IRF7: variants seen among roughly 807,000 people sequenced by gnomAD.
IRF7 encodes the protein interferon regulatory factor-7H.
Under a neutral mutation model 51.3 loss-of-function variants are expected in IRF7, and 67 were observed. The ratio of observed to expected loss-of-function variants is 1.31; its 90% confidence interval spans 1.07 to 1.60. The LOEUF (loss-of-function observed/expected upper bound fraction) is 1.60. IRF7 is among the 40% of genes most tolerant of loss of function. The pLI, the probability that IRF7 is intolerant of heterozygous loss-of-function variation, is 0.00. For synonymous variants in IRF7, 427 were observed against 301.3 expected (o/e 1.42, Z -4.32); for missense variants, 873 against 701.5 (o/e 1.24, Z -2.76).
intron 8 of IRF7, 35 bp from the exon 9 acceptor site, chr11:613,630 G>A (rs1042014832): frequency 1.4e-6 from 2 of 1,436,292 alleles, no homozygotes; most frequent in African/African-American, 2.9e-5. Context: ...GACGGGGGTG[G>A]GCGGGGACAG....
chr11:614,684 T>C, intron 4 of IRF7, 113 bp downstream of exon 4: 2 of 1,395,118 alleles, frequency 1.4e-6, no homozygotes, highest in South Asian at 1.4e-5. Flanking sequence ...GTCCTGGGCC[T>C]GCTGGCAGCC....
chr11:613,940 AC>A lies in IRF7; in HGVS notation c.766+10del. The A allele has an allele frequency of 1.9e-6, 3 of 1,602,702 alleles. No homozygotes were observed. The highest frequency in any genetic ancestry group is 2.5e-6 in the Non-Finnish European group (3 of 1,176,492). On this transcript the variant is annotated intron_variant, in intron 7 of 10. Transcript: ENST00000525445. ...CTGTGCCCCAGGCCTCCCAACCCCTACCCCTCTCACCTGTCGTTAGTGCCGC... is the reference window on the plus strand; with the variant it reads ...CTGTGCCCCAGGCCTCCCAACCCCTACCCTCTCACCTGTCGTTAGTGCCGC...
rs574101679 is a variant in IRF7 at position 613,774 on chromosome 11, G to C, written c.847+11C>G. 3.2e-6 allele frequency: 5 copies of C among 1,542,642 alleles called. No individual in the cohort carries two copies. The South Asian group carries it at 4.9e-5, about 15-fold the overall frequency. ...GCGGGGACAGGCTGCCCCTTCCTGGGATGCACTCACCTTGCACCGCGGTGC... is the reference window on the plus strand; with the variant it reads ...GCGGGGACAGGCTGCCCCTTCCTGGCATGCACTCACCTTGCACCGCGGTGC... On this transcript the variant is annotated intron_variant, in intron 8 of 10. Transcript: ENST00000525445.
chr11:615,471 G>T lies in IRF7; in HGVS notation c.-107C>A. ...GCCGCGGCCACAGGTCGTGTGGCCA[G>T]GTGTCACAGGTGTCCACAGGTGTGG... On this transcript the variant is annotated 5_prime_UTR_variant, in exon 2 of 11. It adds an upstream start codon to the 5' untranslated region. Coordinates refer to ENST00000525445, the MANE Select transcript of IRF7 (RefSeq NM_001572.5). The T allele has an allele frequency of 1.6e-6, 2 of 1,250,642 alleles. No homozygotes were observed. The highest frequency in any genetic ancestry group is 2.1e-6 in the Non-Finnish European group (2 of 935,892). The allele number at this position is 1,250,642 out of a possible 1,614,324, so 77.5% of individuals were successfully genotyped here. A position where few individuals can be genotyped will look rare whatever the true frequency, so the allele number is the denominator to read the frequency against.
rs1161893729 is a variant in IRF7 at position 615,546 on chromosome 11, G to A, written c.-182C>T. ...CTGCCTCGGTATGGATCTCTTGGCAGAGGGGGCTACAGGTGTGACTGCAGG... is the reference window on the plus strand; with the variant it reads ...CTGCCTCGGTATGGATCTCTTGGCAAAGGGGGCTACAGGTGTGACTGCAGG... On this transcript the variant is annotated 5_prime_UTR_variant, in exon 2 of 11. Coordinates refer to ENST00000525445, the MANE Select transcript of IRF7 (RefSeq NM_001572.5). 1.6e-6 allele frequency: 1 copy of A among 639,396 alleles called. No homozygotes were observed. Among genetic ancestry groups the A allele is most frequent in the Non-Finnish European group, 2.6e-6 (1 of 390,774 alleles). 39.6% of individuals were successfully genotyped at this position (639,396 alleles called of 1,614,324 possible). A position where few individuals can be genotyped will look rare whatever the true frequency, so the allele number is the denominator to read the frequency against.
In IRF7 at chr11:613,103, G is replaced by A. The variant is rs944667389; in HGVS notation, c.1252C>T (p.Arg418Trp). 7.2e-5 allele frequency: 116 copies of A among 1,612,942 alleles called. No individual in the cohort carries two copies. The highest frequency in any genetic ancestry group is 1.7e-4 in the Middle Eastern group (1 of 6,058). Residue 418 changes from arginine (R) to tryptophan (W), a missense_variant, in exon 10 of 11, where the codon CGG becomes TGG. Arg to Trp is a moderately radical substitution (Grantham distance 101). Transcript: ENST00000525445. Reference protein sequence around the residue: ...RVFFQELVEFRARQRRGSPRY... With the variant: ...RVFFQELVEFWARQRRGSPRY... ...GGGGAGCCACGGCGCTGCCGTGCCC[G>A]GAATTCCACCAGCTCTGAAGAAGGG... is the stretch of plus-strand genomic sequence containing the variant.
intron 8 of IRF7, 22 bp downstream of exon 8, chr11:613,763 C>T (rs536522497): frequency 1.3e-6 from 2 of 1,496,448 alleles, no homozygotes; most frequent in Non-Finnish European, 1.8e-6. Flanking sequence ...GGACAGGCTG[C>T]CCCTTCCTGG....
At position 613,804 on chromosome 11, in the gene IRF7, G is replaced by C. The variant is rs774247150; in HGVS notation, c.828C>G (p.Ser276Arg). The C allele has an allele frequency of 3.2e-6, 5 of 1,573,116 alleles. No individual in the cohort carries two copies. The highest frequency in any genetic ancestry group is 1.4e-5 in the African/African-American group (1 of 72,766). The change falls in exon 8 of 11, where the codon AGC becomes AGG. Residue 276 changes from serine to arginine, a missense_variant. Transcript: ENST00000525445. ...QAEPYLSPSP[S>R]ACTAVQEPSP... ...ACTCACCTTGCACCGCGGTGCAGGCGCTTGGGGAGGGTGACAGGTACGGCT... is the reference window on the plus strand; with the variant it reads ...ACTCACCTTGCACCGCGGTGCAGGCCCTTGGGGAGGGTGACAGGTACGGCT...
chr11:615,334 C>G lies in IRF7; in HGVS notation c.20+11G>C. On this transcript the variant is annotated intron_variant, in intron 2 of 10. Transcript: ENST00000525445. ...GGACTGGCATCTGGAGAGGGTGGGC[C>G]GGGCTCTTACCTCTCAGGAGCCAAG... is the stretch of plus-strand genomic sequence containing the variant. The G allele has an allele frequency of 6.5e-7, 1 of 1,545,028 alleles. No homozygotes were observed. Among genetic ancestry groups the G allele is most frequent in the Non-Finnish European group, 8.7e-7 (1 of 1,150,642 alleles).
At position 613,291 on chromosome 11, in the gene IRF7, T is replaced by TG. The variant is rs755795955; in HGVS notation, c.1151dup (p.Gly385ArgfsTer17). On this transcript the variant is annotated frameshift_variant, in exon 9 of 11. Transcript: ENST00000525445. LOFTEE classifies it high-confidence loss of function. ...CTGGGGTGGAGGGGCTGGCGGAGCC[T>TG]GGGGGTCCGCCCACCTCCCAGTACA... 3 of 1,609,374 alleles carry TG rather than the reference T, an allele frequency of 1.9e-6. No homozygotes were observed. The highest frequency in any genetic ancestry group is 1.7e-5 in the Admixed American group (1 of 59,458).
chr11:614,859 T>G lies in IRF7; in HGVS notation c.332A>C (p.Asn111Thr), dbSNP rs1856730039. The change falls in exon 4 of 11, where the codon AAC becomes ACC. Residue 111 changes from asparagine (N) to threonine (T), a missense_variant. Asn to Thr is a moderately conservative substitution (Grantham distance 65). Coordinates refer to ENST00000525445, the MANE Select transcript of IRF7 (RefSeq NM_001572.5). The part of the protein sequence containing the change: ...STRRFVMLRD[N>T]SGDPADPHKV... ...GTGCGGGTCGGCCGGGTCCCCCGAG[T>G]TATCCCGCAGCATCACGAAGCGACG... 12 of 1,572,744 alleles carry G rather than the reference T, an allele frequency of 7.6e-6. No individual in the cohort carries two copies. The highest frequency in any genetic ancestry group is 1.0e-5 in the Non-Finnish European group (12 of 1,160,710).
chr11:615,106 G>T lies in IRF7; in HGVS notation c.174C>A (p.Arg58=), dbSNP rs536512192. 1.4e-5 allele frequency: 22 copies of T among 1,590,194 alleles called. No homozygotes were observed. The highest frequency in any genetic ancestry group is 1.1e-4 in the African/African-American group (8 of 74,768). ...ARKDLSEADA[R]IFKAWAVARG... is the part of the protein sequence containing the mutation. ...GGGCTGGGGTCCCCACCTTGAAGAT[G>T]CGCGCGTCGGCCTCGCTCAGGTCCT... Residue 58 remains arginine (R), a synonymous_variant, in exon 3 of 11, where the codon CGC becomes CGA. Coordinates refer to ENST00000525445, the MANE Select transcript of IRF7 (RefSeq NM_001572.5).
rs1382967323 is a variant in IRF7, at chr11:614,077, A to G, written c.680-40T>C. 5.0e-6 allele frequency: 8 copies of G among 1,584,312 alleles called. No individual in the cohort carries two copies. The South Asian group carries it at 9.1e-5, about 18-fold the overall frequency. Reference sequence around the variant, plus strand: ...ACAGTGGGAACGGTGGTCCCCTCCTAATTCTCCAGCTCCCCAATCCCCAGC... The same window carrying G: ...ACAGTGGGAACGGTGGTCCCCTCCTGATTCTCCAGCTCCCCAATCCCCAGC... On this transcript the variant is annotated intron_variant, in intron 6 of 10. Coordinates refer to ENST00000525445, the MANE Select transcript of IRF7 (RefSeq NM_001572.5).
Position 613,406 on chromosome 11 carries a change from G to A in IRF7, c.1037C>T (p.Thr346Met), listed in dbSNP as rs983651712. ...GGCCACGTGCCGCAGCAGTTCCTCC[G>A]TGTAGCGCAGCTGCTTCTGGTCCGG... ...ELPDQKQLRY[T>M]EELLRHVAPG... Residue 346 changes from threonine to methionine, a missense_variant, in exon 9 of 11, where the codon ACG becomes ATG. Physicochemically the swap from Thr to Met is moderately conservative, Grantham distance 81. Coordinates refer to ENST00000525445, the MANE Select transcript of IRF7 (RefSeq NM_001572.5). The A allele has an allele frequency of 3.2e-6, 5 of 1,580,156 alleles. No individual in the cohort carries two copies. Among genetic ancestry groups the A allele is most frequent in the Non-Finnish European group, 2.6e-6 (3 of 1,164,488 alleles).
At position 613,554 on chromosome 11, in the gene IRF7, C is replaced by G; in HGVS notation, c.889G>C (p.Gly297Arg). ...ACCACCTTCTGCAGCACCGTGCGGC[C>G]CTTGTACATGATGGTCACGTCCAGC... The part of the protein sequence containing the change: ...GALDVTIMYK[G>R]RTVLQKVVGH... Residue 297 changes from glycine (G) to arginine (R), a missense_variant, in exon 9 of 11, where the codon GGC (glycine) becomes CGC (arginine). Physicochemically the swap from Gly to Arg is moderately radical, Grantham distance 125 (BLOSUM62 -2). Coordinates refer to ENST00000525445, the MANE Select transcript of IRF7 (RefSeq NM_001572.5). 1 of 1,578,342 alleles carries G rather than the reference C, an allele frequency of 6.3e-7. No homozygotes were observed. Among genetic ancestry groups the G allele is most frequent in the Non-Finnish European group, 8.6e-7 (1 of 1,164,200 alleles).
intron 2 of IRF7, 39 bp downstream of exon 2, chr11:615,306 C>T (rs1008065539): frequency 3.8e-6 from 6 of 1,569,288 alleles, no homozygotes; most frequent in South Asian, 1.1e-5. Flanking sequence ...GCAGGGCGCT[C>T]GGGGACTGGC....
intron 1 of IRF7, 51 bp downstream of exon 1, chr11:615,862 C>G (rs1444685713): frequency 6.4e-6 from 1 of 156,236 alleles, no homozygotes; most frequent in Non-Finnish European, 1.4e-5. Flanking sequence ...GGAGCCCCCA[C>G]GGAGGCTCTC....
intron 6 of IRF7, 44 bp from the exon 7 acceptor site, chr11:614,081 C>T (rs760050576): frequency 1.3e-6 from 2 of 1,584,210 alleles, no homozygotes; most frequent in South Asian, 1.1e-5. Context: ...CCTCCTAATT[C>T]TCCAGCTCCC....
Position 615,404 on chromosome 11 carries a change from TATAAC to T in IRF7, c.-45_-41del. 6.8e-7 allele frequency: 1 copy of T among 1,477,808 alleles called. No individual in the cohort carries two copies. The highest frequency in any genetic ancestry group is 8.9e-7 in the Non-Finnish European group (1 of 1,121,332). The allele number at this position is 1,477,808 out of a possible 1,614,324, so 91.5% of individuals were successfully genotyped here. On this transcript the variant is annotated 5_prime_UTR_variant, in exon 2 of 11. Coordinates refer to ENST00000525445, the MANE Select transcript of IRF7 (RefSeq NM_001572.5). Reference sequence around the variant, plus strand: ...GGGCAGTTAGGTGGCGGTCAGGTGTTATAACAGGGGAGGTAAGGGCTCCTGTCGCA... The same window carrying T: ...GGGCAGTTAGGTGGCGGTCAGGTGTTAGGGGAGGTAAGGGCTCCTGTCGCA...
Sources: allele counts gnomAD v4.1 joint callset, GRCh38; gene constraint gnomAD v4.1.1; transcripts MANE v1.5; gene names NCBI Gene and HGNC (gene_info 2026-07-23, HGNC 2026-07-21).